The following PPP3CA variants were observed in gnomAD, a reference collection of about 807,000 sequenced individuals.
PPP3CA encodes protein phosphatase 3 catalytic subunit alpha.
A neutral mutation model predicts 66.5 loss-of-function variants in PPP3CA; 14 were observed. That is an observed-to-expected ratio of 0.21 (90% CI 0.14 to 0.33). The LOEUF (loss-of-function observed/expected upper bound fraction) is 0.33. PPP3CA is among the 10% of genes least tolerant of loss of function. The pLI, the probability that PPP3CA is intolerant of heterozygous loss-of-function variation, is 1.00. For missense variants in PPP3CA, 317 were observed against 639.5 expected (o/e 0.50, Z 5.44); for synonymous variants, 232 against 226.2 (o/e 1.03, Z -0.23).
chr4:101,200,353 CTGTT>C (rs573272038), intron 1 of PPP3CA, among the ~76,000 whole-genome samples: 15 of 152,112 alleles, frequency 9.9e-5, no homozygotes, highest in Non-Finnish European at 1.9e-4. Context: ...GGTGTGGAGA[CTGTT>C]TGAGGGAAAG....
chr4:101,165,228 A>G (rs1723654641), intron 2 of PPP3CA, among the ~76,000 whole-genome samples: 1 of 152,190 alleles, frequency 6.6e-6, no homozygotes, highest in Non-Finnish European at 1.5e-5. Context: ...TTTTTGATGT[A>G]AGGGATACTG....
In PPP3CA at chr4:101,037,725, T is replaced by C. The variant is rs2110209203; in HGVS notation, c.1241+2757A>G. Among the ~76,000 whole-genome samples the C allele has an allele frequency of 2.0e-5, 3 of 152,256 alleles. No individual in the cohort carries two copies. In the South Asian group the frequency reaches 6.2e-4, roughly 32 times the overall value. ...GAGCATGCCTCTAATCTCACGAAAATAATTCTACAACTCCTGATTGCCTAC... is the reference window on the plus strand; with the variant it reads ...GAGCATGCCTCTAATCTCACGAAAACAATTCTACAACTCCTGATTGCCTAC... On this transcript the variant is annotated intron_variant, in intron 11 of 13. Coordinates refer to ENST00000394854, the MANE Select transcript of PPP3CA (RefSeq NM_000944.5).
At chr4:101,309,784 CTAACG>C (rs1366237684) in intron 1 of PPP3CA, among the ~76,000 whole-genome samples, 1 of 152,130 alleles carries the variant, frequency 6.6e-6, no homozygotes, top group Non-Finnish European at 1.5e-5. Flanking sequence ...ACACTGTTCT[CTAACG>C]TGTGATACAA....
At chr4:101,137,566 C>T (rs1386582903) in intron 2 of PPP3CA, among the ~76,000 whole-genome samples, 1 of 152,106 alleles carries the variant, frequency 6.6e-6, no homozygotes. Context: ...CCCTTCCCTA[C>T]CCAACCAAAC....
chr4:101,194,041 A>C (rs1306372261), intron 2 of PPP3CA, among the ~76,000 whole-genome samples: 2 of 152,158 alleles, frequency 1.3e-5, no homozygotes, highest in Non-Finnish European at 2.9e-5. Context: ...CTTATTTCTG[A>C]ATTCCACAAA....
rs532518611 is a variant in PPP3CA at position 101,294,801 on chromosome 4, T to C, written c.58+51938A>G. ...CTAGATACCAGCACTCTCTTGCTAG[T>C]TGTAGCGATGAAAAATAACTACAGA... On this transcript the variant is annotated intron_variant, in intron 1 of 13. Transcript: ENST00000394854. 2.6e-5 allele frequency among the ~76,000 whole-genome samples: 4 copies of C among 152,118 alleles called. No individual in the cohort carries two copies. In the East Asian group the frequency reaches 5.8e-4, roughly 22 times the overall value.
chr4:101,036,171 T>C (rs1407047006), intron 11 of PPP3CA, among the ~76,000 whole-genome samples: 2 of 152,210 alleles, frequency 1.3e-5, no homozygotes, highest in Non-Finnish European at 2.9e-5. Flanking sequence ...GAGACTTGTG[T>C]TAAACAGACT....
chr4:101,071,595 A>G (rs1728920452), intron 8 of PPP3CA, among the ~76,000 whole-genome samples: 1 of 152,204 alleles, frequency 6.6e-6, no homozygotes, highest in South Asian at 2.1e-4. Context: ...GGAATTCAAT[A>G]CTTTAAGATG....
intron 1 of PPP3CA, among the ~76,000 whole-genome samples, chr4:101,206,141 G>C (rs1281758038): frequency 6.6e-6 from 1 of 152,100 alleles, no homozygotes; most frequent in Non-Finnish European, 1.5e-5. Context: ...CACAGTCTGC[G>C]GTTCACCATT....
chr4:101,251,682 T>C (rs781612125), intron 1 of PPP3CA, among the ~76,000 whole-genome samples: 10 of 152,114 alleles, frequency 6.6e-5, no homozygotes, highest in Non-Finnish European at 1.3e-4. Context: ...AGGTGTATAC[T>C]AACCAATTAC....
At chr4:101,116,091 T>G (rs1433021521) in intron 2 of PPP3CA, among the ~76,000 whole-genome samples, 4 of 151,982 alleles carry the variant, frequency 2.6e-5, no homozygotes, top group Non-Finnish European at 4.4e-5. Context: ...TAAAGACCTT[T>G]TAGTTTCTCC....
chr4:101,124,679 A>C (rs1259945525), intron 2 of PPP3CA, among the ~76,000 whole-genome samples: 3 of 79,364 alleles, frequency 3.8e-5, no homozygotes, highest in African/African-American at 1.8e-4. Context: ...GAAAGAAAGA[A>C]AGAAAGAAAG....
intron 2 of PPP3CA, among the ~76,000 whole-genome samples, chr4:101,126,324 C>T (rs1578473436): frequency 6.6e-6 from 1 of 152,120 alleles, no homozygotes; most frequent in African/African-American, 2.4e-5. Flanking sequence ...AATGAAACAA[C>T]TATATAAAAA....
chr4:101,339,594 C>T (rs1729743445), intron 1 of PPP3CA, among the ~76,000 whole-genome samples: 1 of 152,178 alleles, frequency 6.6e-6, no homozygotes. Flanking sequence ...AGTCACCATA[C>T]AGAACCAGTT....
chr4:101,151,416 T>C (rs1371466987), intron 2 of PPP3CA, among the ~76,000 whole-genome samples: 2 of 151,670 alleles, frequency 1.3e-5, no homozygotes, highest in Non-Finnish European at 2.9e-5. Context: ...AAAAATTAGC[T>C]GAGCGTGGTG....
chr4:101,346,529 A>C (rs1463689635), intron 1 of PPP3CA, among the ~76,000 whole-genome samples: 1 of 151,720 alleles, frequency 6.6e-6, no homozygotes, highest in East Asian at 2.0e-4. Flanking sequence ...AAATGCCCCA[A>C]GTGAGGCTGG....
At chr4:101,345,304 C>A (rs1047236432) in intron 1 of PPP3CA, among the ~76,000 whole-genome samples, 2 of 152,186 alleles carry the variant, frequency 1.3e-5, no homozygotes, top group Non-Finnish European at 2.9e-5. Context: ...CTGAGTAAAC[C>A]TCTAAGGAGA....
At chr4:101,346,448 C>T (rs1167144760) in intron 1 of PPP3CA, among the ~76,000 whole-genome samples, 2 of 152,116 alleles carry the variant, frequency 1.3e-5, no homozygotes, top group African/African-American at 2.4e-5. Context: ...GGCGCCCCCT[C>T]CCACCACCGC....
intron 6 of PPP3CA, among the ~76,000 whole-genome samples, chr4:101,089,216 G>T (rs1190198383): frequency 6.6e-6 from 1 of 151,872 alleles, no homozygotes; most frequent in East Asian, 1.9e-4. Context: ...GTTCCTAGAG[G>T]AAAGTGTGAA....
Sources: allele counts gnomAD v4.1 joint callset (sites outside exome capture counted in the v4.1 genomes callset), GRCh38; gene constraint gnomAD v4.1.1; transcripts MANE v1.5; gene names NCBI Gene and HGNC (gene_info 2026-07-23, HGNC 2026-07-21).